The following CPVL variants were observed in gnomAD, a reference collection of about 807,000 sequenced individuals.
CPVL encodes carboxypeptidase vitellogenic like.
A neutral mutation model predicts 63.7 loss-of-function variants in CPVL; 51 were observed. The ratio of observed to expected loss-of-function variants is 0.80; its 90% confidence interval spans 0.64 to 1.01. The LOEUF is 1.01. Ranked by LOEUF, CPVL falls within the 50% of genes least tolerant of loss-of-function variation. CPVL has a pLI of 0.00. For synonymous variants in CPVL, 195 were observed against 206.0 expected, an observed-to-expected ratio of 0.95 and a Z score of 0.46; for missense variants, 530 against 573.1, an observed-to-expected ratio of 0.92 and a Z score of 0.77.
intron 12 of CPVL, among the ~76,000 whole-genome samples, chr7:29,023,412 C>T (rs376837929): frequency 3.9e-5 from 6 of 152,152 alleles, no homozygotes; most frequent in Admixed American, 1.3e-4. Flanking sequence ...CTCACTATCA[C>T]GAGAATAGCA....
chr7:29,035,714 G>A lies in CPVL; in HGVS notation c.1138-4955C>T, dbSNP rs146948574. On this transcript the variant is annotated intron_variant, in intron 11 of 12. Coordinates refer to ENST00000265394, the MANE Select transcript of CPVL (RefSeq NM_031311.5). ...TGGACAATTACAGGGTATGGATTCT[G>A]CTCTTTAATGGTTTCATGTGGTGCT... 3.2e-3 allele frequency among the ~76,000 whole-genome samples: 481 copies of A among 152,302 alleles called. 5 individuals are homozygous for A. Among genetic ancestry groups the A allele is most frequent in the Non-Finnish European group, 5.9e-3 (402 of 68,026 alleles).
At chr7:29,079,455 A>G (rs1170280123) in intron 7 of CPVL, among the ~76,000 whole-genome samples, 1 of 152,030 alleles carries the variant, frequency 6.6e-6, no homozygotes, top group Non-Finnish European at 1.5e-5. Context: ...AACCTCACTA[A>G]GCCTCGGTCA....
At chr7:29,005,913 C>A (rs957432191) in intron 12 of CPVL, among the ~76,000 whole-genome samples, 1 of 152,110 alleles carries the variant, frequency 6.6e-6, no homozygotes, top group African/African-American at 2.4e-5. Flanking sequence ...TTGTAGTTTT[C>A]TTTTGGAAGA....
At chr7:29,056,850 T>C (rs660517) in intron 11 of CPVL, among the ~76,000 whole-genome samples, 10,043 of 152,276 alleles carry the variant, frequency 0.066, 360 homozygotes, top group South Asian at 0.12. Context: ...GTTGTCAGTA[T>C]TTTGGATTTT....
chr7:29,076,292 GCT>G (rs1016894049), intron 7 of CPVL, among the ~76,000 whole-genome samples: 10 of 152,230 alleles, frequency 6.6e-5, no homozygotes, highest in African/African-American at 2.4e-4. Context: ...TGGTCCCGTG[GCT>G]TCTCTGACCT....
chr7:29,129,434 G>A (rs1042339079), intron 1 of CPVL, among the ~76,000 whole-genome samples: 20 of 151,592 alleles, frequency 1.3e-4, no homozygotes, highest in African/African-American at 3.4e-4. Context: ...CTTTGCAGAC[G>A]TAGTAAGGTT....
intron 12 of CPVL, chr7:29,001,389 G>T (rs546944466): frequency 3.9e-5 from 6 of 152,288 alleles, no homozygotes; most frequent in African/African-American, 1.4e-4. Context: ...TTACATGTAA[G>T]TTCTTTTCAC....
At chr7:29,144,661 T>C (rs190756550) in intron 1 of CPVL, among the ~76,000 whole-genome samples, 6 of 152,312 alleles carry the variant, frequency 3.9e-5, no homozygotes, top group Admixed American at 1.3e-4. Context: ...TCCCCTCTCA[T>C]TGCCTTAGTT....
intron 11 of CPVL, among the ~76,000 whole-genome samples, chr7:29,056,401 T>C (rs1328838787): frequency 6.6e-6 from 1 of 152,214 alleles, no homozygotes; most frequent in African/African-American, 2.4e-5. Flanking sequence ...CTCCATAGTT[T>C]TGCCTTTTAG....
At chr7:29,060,898 G>A (rs1365909336) in intron 11 of CPVL, among the ~76,000 whole-genome samples, 1 of 152,154 alleles carries the variant, frequency 6.6e-6, no homozygotes, top group Non-Finnish European at 1.5e-5. Flanking sequence ...AACCTAGGTT[G>A]TTCTGATTCC....
chr7:29,132,246 A>T (rs1432145532), intron 1 of CPVL, among the ~76,000 whole-genome samples: 3 of 152,154 alleles, frequency 2.0e-5, no homozygotes, highest in Non-Finnish European at 4.4e-5. Flanking sequence ...TGCAGATGGA[A>T]GCCCATGGTG....
rs1476982335 is a variant in CPVL, at chr7:28,995,845, T to C, written c.1358A>G (p.Asp453Gly). ...CATGTCAAAAGCTCTCAGAGGCTGG[T>C]CATAGGGTAAAATATGTCCTCCACC... ...IRGGGHILPY[D>G]QPLRAFDMIN... is the part of the protein sequence containing the mutation. Residue 453 changes from aspartate to glycine, a missense_variant, in exon 13 of 13, where the codon GAC becomes GGC. Asp to Gly is a moderately conservative substitution (Grantham distance 94). Coordinates refer to ENST00000265394, the MANE Select transcript of CPVL (RefSeq NM_031311.5). The C allele has an allele frequency of 3.7e-6, 6 of 1,605,226 alleles. No individual in the cohort carries two copies.
intron 11 of CPVL, 59 bp from the exon 12 acceptor site, chr7:29,030,818 G>A (rs950386394): frequency 2.3e-5 from 33 of 1,447,556 alleles, no homozygotes; most frequent in Non-Finnish European, 2.9e-5. Context: ...CTCATGAATC[G>A]AGCTAGGTAT....
At chr7:29,072,260 C>T (rs377591737) in intron 8 of CPVL, 41 bp downstream of exon 8, 4 of 1,606,354 alleles carry the variant, frequency 2.5e-6, no homozygotes, top group Non-Finnish European at 3.4e-6. Context: ...GCATTTAATC[C>T]CCCTAAGAGA....
intron 11 of CPVL, among the ~76,000 whole-genome samples, chr7:29,052,255 A>G (rs1790250265): frequency 1.3e-5 from 2 of 151,888 alleles, no homozygotes; most frequent in South Asian, 4.1e-4. Context: ...TTACTCATGT[A>G]ACCAAATACT....
At chr7:29,042,307 A>C (rs932361900) in intron 11 of CPVL, among the ~76,000 whole-genome samples, 1 of 152,152 alleles carries the variant, frequency 6.6e-6, no homozygotes, top group African/African-American at 2.4e-5. Flanking sequence ...TAAGTTCAAA[A>C]TATAATAGTA....
At chr7:29,070,262 G>C (rs1416149219) in intron 9 of CPVL, among the ~76,000 whole-genome samples, 1 of 152,170 alleles carries the variant, frequency 6.6e-6, no homozygotes, top group Non-Finnish European at 1.5e-5. Context: ...CAACACACCT[G>C]AACTTTTCTA....
In CPVL at chr7:29,095,273, C is replaced by T; in HGVS notation, c.404-131G>A. ...TGGCGTACCCTCTAACAGTGCTGCACACTCTCATGGTGGGGAACAGGCACC... is the reference window on the plus strand; with the variant it reads ...TGGCGTACCCTCTAACAGTGCTGCATACTCTCATGGTGGGGAACAGGCACC... On this transcript the variant is annotated intron_variant, in intron 4 of 12. Coordinates refer to ENST00000265394, the MANE Select transcript of CPVL (RefSeq NM_031311.5). 4 of 727,546 alleles carry T rather than the reference C, an allele frequency of 5.5e-6. No homozygotes were observed. In the Admixed American group the frequency reaches 7.9e-5, roughly 14 times the overall value. 45.1% of individuals were successfully genotyped at this position (727,546 alleles called of 1,614,324 possible). A position where few individuals can be genotyped will look rare whatever the true frequency, so the allele number is the denominator to read the frequency against.
chr7:29,144,485 C>T lies in CPVL; in HGVS notation c.-11+1944G>A, dbSNP rs186040824. ...CTGAGGCACAAGAATCCCTTGAACCCGGGAGATGGAGGTTGCAGTGAGCAG... is the reference window on the plus strand; with the variant it reads ...CTGAGGCACAAGAATCCCTTGAACCTGGGAGATGGAGGTTGCAGTGAGCAG... On this transcript the variant is annotated intron_variant, in intron 1 of 12. Coordinates refer to ENST00000265394, the MANE Select transcript of CPVL (RefSeq NM_031311.5). Among the ~76,000 whole-genome samples the T allele has an allele frequency of 1.3e-4, 20 of 152,172 alleles. No individual in the cohort carries two copies. The East Asian group carries it at 2.9e-3, about 22-fold the overall frequency.
Sources: gnomAD v4.1 joint callset for allele counts (sites outside exome capture counted in the v4.1 genomes callset) on GRCh38, gnomAD v4.1.1 for gene constraint, MANE v1.5 for transcripts, NCBI Gene and HGNC (gene_info 2026-07-23, HGNC 2026-07-21) for gene names.